The following MIGA2 variants were observed in gnomAD, a reference collection of about 807,000 sequenced individuals.
MIGA2 encodes the protein mitoguardin 2.
MIGA2 carries 36 observed loss-of-function variants against 69.9 expected under a neutral mutation model. The observed-to-expected ratio is 0.52, with a 90% CI of 0.39 to 0.68. The LOEUF is 0.68. Ranked by LOEUF, MIGA2 falls within the 30% of genes least tolerant of loss-of-function variation. MIGA2 has a pLI of 0.00. For synonymous variants in MIGA2, 333 were observed against 349.2 expected, an observed-to-expected ratio of 0.95 and a Z score of 0.52; for missense variants, 660 against 787.7, an observed-to-expected ratio of 0.84 and a Z score of 1.94.
chr9:129,059,190 G>A lies in MIGA2; in HGVS notation c.712G>A (p.Glu238Lys). The change falls in exon 7 of 16, where the codon GAG becomes AAG. Residue 238 changes from glutamate (E) to lysine (K), a missense_variant. This residue lies in a region of MIGA2 where 386 missense variants were observed against 402.0 expected (regional missense o/e 0.96). Transcript: ENST00000684074. The surrounding 1 kb of genome is among the most constrained non-coding windows in gnomAD (Gnocchi z 5.6). ...GCGGAAGGAGTTTGCAGAGAAGCTG[G>A]AGTCCCTGCTGCACCGTGCCTACCA... ...SQRKEFAEKL[E>K]SLLHRAYHLQ... 2.5e-6 allele frequency: 4 copies of A among 1,613,208 alleles called. No individual in the cohort carries two copies. The highest frequency in any genetic ancestry group is 2.5e-6 in the Non-Finnish European group (3 of 1,179,576).
At chr9:129,037,136 C>A in intron 1 of MIGA2, 2 of 824,300 alleles carry the variant, frequency 2.4e-6, no homozygotes, top group Non-Finnish European at 3.0e-6. Context: ...GCGGGGATGC[C>A]CGGTGCCCGG....
Position 129,049,887 on chromosome 9 carries a change from G to C in MIGA2, c.599G>C (p.Arg200Pro). ...GAGCAGGCACTAAGCGTGGGCCAGC[G>C]GGGGGACAGCGGCAGCACCCCCATG... ...KWEQALSVGQ[R>P]GDSGSTPMPR... The change falls in exon 6 of 16, where the codon CGG (arginine) becomes CCG (proline). Residue 200 changes from arginine (R) to proline (P), a missense_variant. Arg to Pro is a moderately radical substitution (Grantham distance 103). This residue lies in a region of MIGA2 where 386 missense variants were observed against 402.0 expected (regional missense o/e 0.96). Coordinates refer to ENST00000684074, the MANE Select transcript of MIGA2 (RefSeq NM_001329990.2). The C allele has an allele frequency of 6.2e-7, 1 of 1,613,882 alleles. No individual in the cohort carries two copies. Among genetic ancestry groups the C allele is most frequent in the East Asian group, 2.2e-5 (1 of 44,890 alleles).
In MIGA2 at chr9:129,068,443, C is replaced by T; in HGVS notation, c.1404+111C>T. On this transcript the variant is annotated intron_variant, in intron 13 of 15. Transcript: ENST00000684074. The surrounding 1 kb of genome is among the most constrained non-coding windows in gnomAD (Gnocchi z 4.1). ...TGGCACCAGGGCTGGGCCCCCACCCCCTAGATCCGCGGCTGCCAGGCCTGG... is the reference window on the plus strand; with the variant it reads ...TGGCACCAGGGCTGGGCCCCCACCCTCTAGATCCGCGGCTGCCAGGCCTGG... 2 of 1,458,034 alleles carry T rather than the reference C, an allele frequency of 1.4e-6. No homozygotes were observed. Among genetic ancestry groups the T allele is most frequent in the African/African-American group, 1.4e-5 (1 of 71,546 alleles). 90.3% of individuals were successfully genotyped at this position (1,458,034 alleles called of 1,614,324 possible).
At chr9:129,036,875 C>T (rs1378585613) in intron 1 of MIGA2, 194 bp downstream of exon 1, 3 of 926,534 alleles carry the variant, frequency 3.2e-6, no homozygotes, top group Non-Finnish European at 3.9e-6. Context: ...CGAGAAGGTA[C>T]TTGGGTCAGG....
chr9:129,051,663 C>A (rs569149085), intron 6 of MIGA2, among the ~76,000 whole-genome samples: 2 of 151,718 alleles, frequency 1.3e-5, no homozygotes, highest in Non-Finnish European at 2.9e-5. Context: ...GTGGCGTGAT[C>A]TCGGCTCACT....
rs369636525 is a variant in MIGA2 at position 129,065,498 on chromosome 9, C to T, written c.1170+1867C>T. ...CCAAGTAGCTGGGATTACAGGTGTG[C>T]GCCACCACACCCAGCTAATTTTTGT... On this transcript the variant is annotated intron_variant, in intron 11 of 15. Coordinates refer to ENST00000684074, the MANE Select transcript of MIGA2 (RefSeq NM_001329990.2). Among the ~76,000 whole-genome samples the T allele has an allele frequency of 1.2e-4, 18 of 150,806 alleles. No homozygotes were observed. The East Asian group carries it at 1.4e-3, about 11-fold the overall frequency.
chr9:129,044,866 T>C (rs983748916), intron 3 of MIGA2, among the ~76,000 whole-genome samples: 39 of 150,620 alleles, frequency 2.6e-4, no homozygotes, highest in Non-Finnish European at 5.3e-4. Context: ...GCTGGGGTTA[T>C]GGGTGTGAGC....
chr9:129,067,152 A>G (rs1481691717), intron 11 of MIGA2, among the ~76,000 whole-genome samples: 1 of 151,410 alleles, frequency 6.6e-6, no homozygotes, highest in Admixed American at 6.6e-5. Flanking sequence ...AAAAAAAAAA[A>G]AAAAAATCAC....
At chr9:129,066,006 A>G (rs12001773) in intron 11 of MIGA2, among the ~76,000 whole-genome samples, 4,305 of 152,328 alleles carry the variant, frequency 0.028, 198 homozygotes, top group African/African-American at 0.097. Flanking sequence ...GGCCTAGCAC[A>G]GGGCGGGTAC....
intron 4 of MIGA2, 64 bp from the exon 5 acceptor site, chr9:129,049,316 CA>C (rs1225259447): frequency 2.6e-6 from 4 of 1,515,456 alleles, no homozygotes; most frequent in African/African-American, 2.7e-5. Flanking sequence ...GAGGAGGGCT[CA>C]GGGGGGCCCT....
At position 129,064,106 on chromosome 9, in the gene MIGA2, C is replaced by T. The variant is rs540876503; in HGVS notation, c.1170+475C>T. On this transcript the variant is annotated intron_variant, in intron 11 of 15. Coordinates refer to ENST00000684074, the MANE Select transcript of MIGA2 (RefSeq NM_001329990.2). Reference sequence around the variant, plus strand: ...GCCCGGCAGATATTGCTAGTTTGCCCTCCAAAAGGCCTTCACAACTTACAT... The same window carrying T: ...GCCCGGCAGATATTGCTAGTTTGCCTTCCAAAAGGCCTTCACAACTTACAT... 4.3e-4 allele frequency among the ~76,000 whole-genome samples: 65 copies of T among 152,334 alleles called. 1 individual carries two copies. In the South Asian group the frequency reaches 0.013, roughly 30 times the overall value.
chr9:129,041,239 A>G (rs1844888237), intron 2 of MIGA2, among the ~76,000 whole-genome samples: 4 of 152,108 alleles, frequency 2.6e-5, no homozygotes, highest in African/African-American at 7.2e-5. Context: ...GGAGGCTGAG[A>G]CAGAATTGCT....
chr9:129,059,886 C>T lies in MIGA2; in HGVS notation c.793+615C>T, dbSNP rs1027184607. Among the ~76,000 whole-genome samples the T allele has an allele frequency of 6.6e-6, 1 of 152,272 alleles. No homozygotes were observed. Among genetic ancestry groups the T allele is most frequent in the South Asian group, 2.1e-4 (1 of 4,828 alleles). On this transcript the variant is annotated intron_variant, in intron 7 of 15. Transcript: ENST00000684074. This position sits in a 1 kb window ranked among gnomAD's most constrained non-coding sequence, Gnocchi z 5.6. ...GTGGAGACACAGAACCGGAGTGGGT[C>T]GGCCGAGCCACGCACCCTGCCCTGG... is the stretch of plus-strand genomic sequence containing the variant.
chr9:129,070,280 G>C lies in MIGA2; in HGVS notation c.1609G>C (p.Asp537His). ...QIVQYLRDMF[D>H]LDNVRYTSLP... Reference sequence around the variant, plus strand: ...TGTGCAGTACCTGAGGGACATGTTCGACCTGGACAATGTGCGCTACACGTC... The same window carrying C: ...TGTGCAGTACCTGAGGGACATGTTCCACCTGGACAATGTGCGCTACACGTC... Residue 537 changes from aspartate (D) to histidine (H), a missense_variant, in exon 16 of 16, where the codon GAC (aspartate) becomes CAC (histidine). Transcript: ENST00000684074. 6.2e-7 allele frequency: 1 copy of C among 1,613,102 alleles called. No homozygotes were observed. Among genetic ancestry groups the C allele is most frequent in the East Asian group, 2.2e-5 (1 of 44,886 alleles).
intron 9 of MIGA2, among the ~76,000 whole-genome samples, chr9:129,062,741 G>C (rs988050102): frequency 6.6e-6 from 1 of 152,066 alleles, no homozygotes; most frequent in Non-Finnish European, 1.5e-5. Flanking sequence ...CTACTTGGGA[G>C]GCTGAGGCAG....
chr9:129,055,821 C>T (rs1208541318), intron 6 of MIGA2, among the ~76,000 whole-genome samples: 4 of 150,584 alleles, frequency 2.7e-5, no homozygotes, highest in African/African-American at 9.8e-5. Flanking sequence ...TGCACTCCAG[C>T]CTGGGCGACA....
intron 4 of MIGA2, among the ~76,000 whole-genome samples, chr9:129,049,140 G>T (rs972633636): frequency 6.6e-6 from 1 of 152,226 alleles, no homozygotes; most frequent in Non-Finnish European, 1.5e-5. Flanking sequence ...AGGTTCCTGG[G>T]CTGGGTGTTG....
chr9:129,067,405 CAG>C (rs1846418002), intron 11 of MIGA2: 1 of 232,508 alleles, frequency 4.3e-6, no homozygotes, highest in Non-Finnish European at 8.5e-6. Context: ...AGAGCCTCAT[CAG>C]GGTGCGGCTG....
At position 129,059,336 on chromosome 9, in the gene MIGA2, T is replaced by C; in HGVS notation, c.793+65T>C. ...TGGCAGGGATGGAGGTGAGGAGAAGTTGCGAGAACCGGGTCGTGGTTCTCT... is the reference window on the plus strand; with the variant it reads ...TGGCAGGGATGGAGGTGAGGAGAAGCTGCGAGAACCGGGTCGTGGTTCTCT... On this transcript the variant is annotated intron_variant, in intron 7 of 15. Transcript: ENST00000684074. This position sits in a 1 kb window ranked among gnomAD's most constrained non-coding sequence, Gnocchi z 5.6. 3.0e-6 allele frequency: 4 copies of C among 1,326,728 alleles called. No homozygotes were observed. The highest frequency in any genetic ancestry group is 4.2e-6 in the Non-Finnish European group (4 of 950,372). 82.2% of individuals were successfully genotyped at this position (1,326,728 alleles called of 1,614,324 possible).
Sources: allele counts gnomAD v4.1 joint callset (sites outside exome capture counted in the v4.1 genomes callset), GRCh38; gene constraint gnomAD v4.1.1; regional missense constraint gnomAD v4.1.1; non-coding constraint Gnocchi (gnomAD v3.1); transcripts MANE v1.5; gene names NCBI Gene and HGNC (gene_info 2026-07-23, HGNC 2026-07-21).